The following SOD2 variants were observed in gnomAD, a reference collection of about 807,000 sequenced individuals.
SOD2 encodes superoxide dismutase 2.
Under a neutral mutation model 27.0 loss-of-function variants are expected in SOD2, and 11 were observed. The ratio of observed to expected loss-of-function variants is 0.41; its 90% CI spans 0.26 to 0.67. The LOEUF is 0.67. Ranked by LOEUF, SOD2 falls within the 30% of genes least tolerant of loss-of-function variation. SOD2 has a pLI of 0.34. For missense variants in SOD2, 250 were observed against 274.5 expected (o/e 0.91, Z 0.63); for synonymous variants, 105 against 103.0 (o/e 1.02, Z -0.12).
rs144478947 is a variant in SOD2 at position 159,723,632 on chromosome 6, G to A, written c.-116+3497C>T. On this transcript the variant is annotated intron_variant, in intron 1 of 2. Transcript: ENST00000401980. The stretch of plus-strand genomic sequence containing the variant: ...ATGCCTATACATCCTGGTTCAGCCA[G>A]GACTGTTCCAGTTTTAATCTGAAAG... Among the ~76,000 whole-genome samples the A allele has an allele frequency of 5.5e-4, 84 of 152,272 alleles. 2 individuals carry two copies. The East Asian group carries it at 0.016, about 28-fold the overall frequency.
chr6:159,753,630 C>G, intron 1 of SOD2: 7 of 1,587,956 alleles, frequency 4.4e-6, no homozygotes, highest in Non-Finnish European at 5.1e-6. Context: ...GGGTTTGTTT[C>G]TTTTTGGAAC....
intron 1 of SOD2, among the ~76,000 whole-genome samples, chr6:159,700,950 CT>C (rs1777513865): frequency 6.6e-6 from 1 of 151,654 alleles, no homozygotes; most frequent in South Asian, 2.1e-4. Context: ...AGGATCTCGG[CT>C]TTTAGACTGA....
intron 1 of SOD2, among the ~76,000 whole-genome samples, chr6:159,754,601 C>A (rs577262113): frequency 6.6e-6 from 1 of 152,172 alleles, no homozygotes; most frequent in South Asian, 2.1e-4. Context: ...GTCATATTTA[C>A]ATATAAACCT....
At chr6:159,740,954 G>A (rs1331970759) in intron 1 of SOD2, among the ~76,000 whole-genome samples, 1 of 152,008 alleles carries the variant, frequency 6.6e-6, no homozygotes, top group South Asian at 2.1e-4. Flanking sequence ...TGCCCGCCTC[G>A]GCCTCCCAAA....
intron 2 of SOD2, chr6:159,691,549 G>C (rs1777191848): frequency 6.6e-6 from 1 of 152,132 alleles, no homozygotes; most frequent in South Asian, 2.1e-4. Flanking sequence ...AAGCAATACA[G>C]AGAGTCTAAA....
chr6:159,709,981 G>A lies in SOD2; in HGVS notation c.-115-17118C>T, dbSNP rs1437481931. Among the ~76,000 whole-genome samples, 6 of 151,648 alleles carry A rather than the reference G, an allele frequency of 4.0e-5. No individual in the cohort carries two copies. The East Asian group carries it at 7.7e-4, about 20-fold the overall frequency. Reference sequence around the variant, plus strand: ...TGTCCTTTGTAGGGACATGGATGACGCTGGAAACCATCATTCTCAGCAAAC... The same window carrying A: ...TGTCCTTTGTAGGGACATGGATGACACTGGAAACCATCATTCTCAGCAAAC... On this transcript the variant is annotated intron_variant, in intron 1 of 2. Transcript: ENST00000401980.
intron 1 of SOD2, among the ~76,000 whole-genome samples, chr6:159,733,830 T>C (rs1341556660): frequency 1.3e-5 from 2 of 151,894 alleles, no homozygotes; most frequent in Non-Finnish European, 2.9e-5. Flanking sequence ...GCAGGAGAAT[T>C]GCTTGAACCC....
intron 4 of SOD2, among the ~76,000 whole-genome samples, chr6:159,684,357 C>T (rs1780088641): frequency 6.6e-6 from 1 of 152,090 alleles, no homozygotes; most frequent in Non-Finnish European, 1.5e-5. Context: ...GTGGCTCATG[C>T]CTGTAATCCC....
At chr6:159,727,914 C>T (rs146136057), upstream of SOD2, among the ~76,000 whole-genome samples, 787 of 152,362 alleles carry the variant, frequency 5.2e-3, 5 homozygotes, top group African/African-American at 0.018. Context: ...GTCCTCCGTC[C>T]CCAAGGCCCG....
At chr6:159,698,290 C>CAAAA (rs1777462633) in intron 1 of SOD2, among the ~76,000 whole-genome samples, 1 of 148,334 alleles carries the variant, frequency 6.7e-6, no homozygotes, top group Non-Finnish European at 1.5e-5. Flanking sequence ...AACAAACAAA[C>CAAAA]AAACAAAAAA....
chr6:159,696,111 C>A (rs1777417674), upstream of SOD2, among the ~76,000 whole-genome samples: 1 of 152,148 alleles, frequency 6.6e-6, no homozygotes, highest in Admixed American at 6.6e-5. Context: ...TTCTTAAACA[C>A]AGAAGAGTGT....
exon 1 of SOD2, chr6:159,761,542 C>A (rs754194445): frequency 4.4e-6 from 2 of 456,444 alleles, no homozygotes; most frequent in Non-Finnish European, 8.8e-6. Context: ...CTCCCGAAGC[C>A]GCCGAGAGCA....
In SOD2 at chr6:159,679,126, G is replaced by A. The variant is rs553867450; in HGVS notation, c.*3367C>T. ...CATAATGCAGACCTCTTTGATGGTTGACAGATTCTTTTATTAACAGTCAAA... is the reference window on the plus strand; with the variant it reads ...CATAATGCAGACCTCTTTGATGGTTAACAGATTCTTTTATTAACAGTCAAA... On this transcript the variant is annotated 3_prime_UTR_variant, in exon 5 of 5. Coordinates refer to ENST00000538183, the MANE Select transcript of SOD2 (RefSeq NM_000636.4). 2.6e-5 allele frequency: 4 copies of A among 152,162 alleles called. No homozygotes were observed. The highest frequency in any genetic ancestry group is 5.9e-5 in the Non-Finnish European group (4 of 68,024). The allele number at this position is 152,162 out of a possible 1,614,324, so 9.4% of individuals were successfully genotyped here. A position where few individuals can be genotyped will look rare whatever the true frequency, so the allele number is the denominator to read the frequency against.
upstream of SOD2, chr6:159,748,134 C>A: frequency 6.5e-7 from 1 of 1,536,494 alleles, no homozygotes; most frequent in Non-Finnish European, 8.8e-7. This position sits in a 1 kb window ranked among gnomAD's most constrained non-coding sequence, Gnocchi z 5.6. Flanking sequence ...GTTTTCCCCA[C>A]CTTCTTATGT....
chr6:159,726,676 C>T, intron 1 of SOD2: 1 of 893,952 alleles, frequency 1.1e-6, no homozygotes, highest in Non-Finnish European at 1.5e-6. Context: ...TCCCCGTGTT[C>T]CAGTTAGCAA....
At chr6:159,753,689 T>A (rs906652630) in intron 1 of SOD2, 5 of 1,505,592 alleles carry the variant, frequency 3.3e-6, no homozygotes, top group Non-Finnish European at 4.5e-6. Flanking sequence ...TCATGAATAT[T>A]ATAGGTTAGA....
upstream of SOD2, among the ~76,000 whole-genome samples, chr6:159,728,098 AAAAG>A (rs1339994427): frequency 1.3e-5 from 2 of 152,264 alleles, no homozygotes; most frequent in African/African-American, 4.8e-5. Context: ...AGCAAGGAAA[AAAAG>A]AAACATTCGT....
intron 1 of SOD2, chr6:159,713,726 A>G: frequency 4.4e-6 from 4 of 911,328 alleles, no homozygotes; most frequent in Non-Finnish European, 7.3e-6. Context: ...CCATTTCAAC[A>G]CTATTAGACT....
intron 1 of SOD2, among the ~76,000 whole-genome samples, chr6:159,751,829 A>G (rs574734646): frequency 3.3e-5 from 5 of 152,318 alleles, no homozygotes; most frequent in African/African-American, 1.2e-4. Context: ...TGGAAGGCTG[A>G]GGTAGGCAGA....
Sources: allele counts gnomAD v4.1 joint callset (sites outside exome capture counted in the v4.1 genomes callset), GRCh38; gene constraint gnomAD v4.1.1; non-coding constraint Gnocchi (gnomAD v3.1); transcripts MANE v1.5; gene names NCBI Gene and HGNC (gene_info 2026-07-23, HGNC 2026-07-21).